The following DOCK11 variants were observed in gnomAD, a reference collection of about 807,000 sequenced individuals.
DOCK11 encodes dedicator of cytokinesis protein 11.
Under a neutral mutation model 169.1 loss-of-function variants are expected in DOCK11, and 70 were observed. The ratio of observed to expected loss-of-function variants is 0.41; its 90% CI spans 0.34 to 0.51. DOCK11 has a LOEUF of 0.51. Among genes scored for constraint, DOCK11 ranks in the 20% least tolerant of loss-of-function variants. The pLI is 0.10. For synonymous variants in DOCK11, 529 were observed against 541.3 expected (o/e 0.98, Z 0.32); for missense variants, 1,166 against 1,538.8 (o/e 0.76, Z 4.05).
chrX:118,515,318 C>T (rs2057675710), intron 1 of DOCK11, among the ~76,000 whole-genome samples: 1 of 112,104 alleles, frequency 8.9e-6, no homozygotes, highest in Non-Finnish European at 1.9e-5. Context: ...ACCGCAACCT[C>T]CGCCTCTCGA....
intron 23 of DOCK11, among the ~76,000 whole-genome samples, chrX:118,603,860 T>C (rs890971279): frequency 8.9e-6 from 1 of 112,021 alleles, no homozygotes; most frequent in African/African-American, 3.2e-5. Context: ...GGAAAGTATA[T>C]GATATATTCA....
chrX:118,542,881 T>C, intron 2 of DOCK11, 40 bp downstream of exon 2: 1 of 1,201,748 alleles, frequency 8.3e-7, no homozygotes, highest in Non-Finnish European at 1.1e-6. Flanking sequence ...AAAACCCCTA[T>C]TTTTCAAGCC....
rs150938710 is a variant in DOCK11 at position 118,681,077 on chromosome X, C to T, written c.5691C>T (p.Tyr1897=). 117 of 1,172,535 alleles carry T rather than the reference C, an allele frequency of 1.0e-4. 1 individual carries two copies. In the African/African-American group the frequency reaches 1.0e-3, roughly 10 times the overall value. The change falls in exon 50 of 53, where the codon TAC becomes TAT. Residue 1897 remains tyrosine (Y), a synonymous_variant. Transcript: ENST00000276202. ...TAATAGCTTCAAACTCGTTTCCTTACGTGAAGAAGAGGATTCCTATTAACT... is the reference window on the plus strand; with the variant it reads ...TAATAGCTTCAAACTCGTTTCCTTATGTGAAGAAGAGGATTCCTATTAACT... ...TILTTSNSFP[Y]VKKRIPINCE...
At chrX:118,556,570 G>A (rs1401396691) in intron 6 of DOCK11, among the ~76,000 whole-genome samples, 1 of 105,388 alleles carries the variant, frequency 9.5e-6, no homozygotes, top group African/African-American at 3.4e-5. Flanking sequence ...CCAACATGGT[G>A]AAACCCCATC....
chrX:118,669,287 A>T (rs747541290), intron 45 of DOCK11, among the ~76,000 whole-genome samples: 4 of 112,106 alleles, frequency 3.6e-5, no homozygotes, highest in Non-Finnish European at 7.5e-5. Flanking sequence ...CTTGGTGATG[A>T]ACTCATTAGA....
Position 118,566,012 on chromosome X carries a change from A to G in DOCK11, c.701A>G (p.Lys234Arg). 1.7e-6 allele frequency: 2 copies of G among 1,211,200 alleles called. No homozygotes were observed. Among genetic ancestry groups the G allele is most frequent in the Non-Finnish European group, 2.2e-6 (2 of 895,200 alleles). Residue 234 changes from lysine (K) to arginine (R), a missense_variant, in exon 8 of 53, where the codon AAA (lysine) becomes AGA (arginine). Physicochemically the swap from Lys to Arg is conservative, Grantham distance 26. Transcript: ENST00000276202. ...DACIDVVQCP[K>R]MRRHAFELKM... ...ACTTTTTCTCCCCTCTAGTGCCCCA[A>G]AATGCGCCGTCATGCTTTTGAACTC... is the stretch of plus-strand genomic sequence containing the variant.
Position 118,566,234 on chromosome X carries a change from C to T in DOCK11, c.871+52C>T, listed in dbSNP as rs765170334. ...TGAAGTAAAGCCCTTGTCTTTAATC[C>T]GTGGAAATGTCCTCTGTGCAGGGTG... On this transcript the variant is annotated intron_variant, in intron 8 of 52. Coordinates refer to ENST00000276202, the MANE Select transcript of DOCK11 (RefSeq NM_144658.4). 13 of 1,060,866 alleles carry T rather than the reference C, an allele frequency of 1.2e-5. No homozygotes were observed. The African/African-American group carries it at 1.7e-4, about 14-fold the overall frequency. The allele number at this position is 1,060,866 out of a possible 1,213,427, so 87.4% of individuals were successfully genotyped here. A position where few individuals can be genotyped will look rare whatever the true frequency, so the allele number is the denominator to read the frequency against.
At chrX:118,647,703 A>G (rs1429585042) in intron 40 of DOCK11, among the ~76,000 whole-genome samples, 1 of 55,491 alleles carries the variant, frequency 1.8e-5, no homozygotes, top group East Asian at 5.5e-4. Context: ...AATATAATAT[A>G]TAATAATATA....
At position 118,516,004 on chromosome X, in the gene DOCK11, A is replaced by AATATATATAT. The variant is rs1191968312; in HGVS notation, c.102+19937_102+19946dup. Among the ~76,000 whole-genome samples the AATATATATAT allele has an allele frequency of 3.8e-4, 17 of 44,943 alleles. 3 individuals carry two copies. Among genetic ancestry groups the AATATATATAT allele is most frequent in the African/African-American group, 8.2e-4 (7 of 8,528 alleles). The allele number at this position is 44,943 out of a possible 115,157, so 39.0% of individuals were successfully genotyped here. On this transcript the variant is annotated intron_variant, in intron 1 of 52. Transcript: ENST00000276202. ...ATGTTCAAAAGTAAGGATTTGGGCA[A>AATATATATAT]ATATATATATATATACATTCTTACA... is the stretch of plus-strand genomic sequence containing the variant.
intron 35 of DOCK11, among the ~76,000 whole-genome samples, chrX:118,630,750 A>G (rs1251681396): frequency 8.9e-6 from 1 of 112,686 alleles, no homozygotes; most frequent in Non-Finnish European, 1.9e-5. Context: ...ATGGTTTTAG[A>G]AGTGCTAAAC....
intron 36 of DOCK11, among the ~76,000 whole-genome samples, chrX:118,637,219 CAG>C (rs962566555): frequency 1.1e-4 from 12 of 109,818 alleles, no homozygotes; most frequent in Non-Finnish European, 2.3e-4. Flanking sequence ...TTTAGAAACA[CAG>C]GGGTAGGGAG....
At chrX:118,595,685 C>T (rs768662027) in intron 20 of DOCK11, among the ~76,000 whole-genome samples, 2 of 111,940 alleles carry the variant, frequency 1.8e-5, no homozygotes, top group African/African-American at 6.5e-5. Flanking sequence ...ACAGTTATTC[C>T]GTGTGCCACT....
At position 118,664,651 on chromosome X, in the gene DOCK11, GA is replaced by G. The variant is rs753703146; in HGVS notation, c.5076+1869del. On this transcript the variant is annotated intron_variant, in intron 45 of 52. Coordinates refer to ENST00000276202, the MANE Select transcript of DOCK11 (RefSeq NM_144658.4). Reference sequence around the variant, plus strand: ...CAAAGTGAGACTGTGTCTCAAAAAAGAAAAAAAAAAGAAATATGAAACTGAA... The same window carrying G: ...CAAAGTGAGACTGTGTCTCAAAAAAGAAAAAAAAAGAAATATGAAACTGAA... Among the ~76,000 whole-genome samples the G allele has an allele frequency of 7.3e-3, 743 of 101,971 alleles. 3 individuals carry two copies. Among genetic ancestry groups the G allele is most frequent in the African/African-American group, 0.024 (685 of 28,096 alleles). The allele number at this position is 101,971 out of a possible 115,157, so 88.5% of individuals were successfully genotyped here.
rs1193048938 is a variant in DOCK11, at chrX:118,685,849, G to T, written c.*42G>T. The stretch of plus-strand genomic sequence containing the variant: ...GTGACAATGAGACTGACCTTTCTCA[G>T]GAATATTTGGAGCTGTGCAAATGTT... On this transcript the variant is annotated 3_prime_UTR_variant, in exon 53 of 53. Coordinates refer to ENST00000276202, the MANE Select transcript of DOCK11 (RefSeq NM_144658.4). The T allele has an allele frequency of 8.4e-7, 1 of 1,195,660 alleles. No homozygotes were observed. Among genetic ancestry groups the T allele is most frequent in the South Asian group, 1.9e-5 (1 of 53,852 alleles).
At chrX:118,626,465 T>C in intron 32 of DOCK11, among the ~76,000 whole-genome samples, 1 of 112,008 alleles carries the variant, frequency 8.9e-6, no homozygotes, top group South Asian at 3.7e-4. Context: ...TTATACACTT[T>C]ATAGTCTGCC....
intron 48 of DOCK11, among the ~76,000 whole-genome samples, chrX:118,678,543 G>C (rs376437359): frequency 9.1e-6 from 1 of 110,303 alleles, no homozygotes; most frequent in African/African-American, 3.3e-5. Flanking sequence ...TGCCATCTTG[G>C]CTTACTGCAA....
At chrX:118,557,763 CAAAAAAAAAA>C (rs773728594) in intron 6 of DOCK11, among the ~76,000 whole-genome samples, 15 of 24,334 alleles carry the variant, frequency 6.2e-4, no homozygotes, top group East Asian at 1.8e-3. Context: ...GACTCTGTCT[CAAAAAAAAAA>C]AAAAAAAAAA....
At chrX:118,516,093 C>CTTTTTTTTTTTTTTTTTTT (rs773184047) in intron 1 of DOCK11, among the ~76,000 whole-genome samples, 2 of 54,994 alleles carry the variant, frequency 3.6e-5, no homozygotes, top group East Asian at 5.6e-4. Context: ...TTTTCTTTTT[C>CTTTTTTTTTTTTTTTTTTT]TTTTTTTTTT....
chrX:118,634,619 G>A lies in DOCK11; in HGVS notation c.3887-1727G>A, dbSNP rs146571393. 7.6e-3 allele frequency among the ~76,000 whole-genome samples: 859 copies of A among 112,957 alleles called. 3 individuals are homozygous for A. Among genetic ancestry groups the A allele is most frequent in the East Asian group, 0.046 (164 of 3,581 alleles). Reference sequence around the variant, plus strand: ...TGGCGCAGCAAGCTGCCCTTTGACCGGAGGCCGGAAACGCAGGGACTTCTG... The same window carrying A: ...TGGCGCAGCAAGCTGCCCTTTGACCAGAGGCCGGAAACGCAGGGACTTCTG... On this transcript the variant is annotated intron_variant, in intron 35 of 52. Coordinates refer to ENST00000276202, the MANE Select transcript of DOCK11 (RefSeq NM_144658.4).
Sources: gnomAD v4.1 joint callset for allele counts (sites outside exome capture counted in the v4.1 genomes callset) on GRCh38, gnomAD v4.1.1 for gene constraint, MANE v1.5 for transcripts, NCBI Gene and HGNC (gene_info 2026-07-23, HGNC 2026-07-21) for gene names.